INPP4A: variants seen among roughly 807,000 people sequenced by gnomAD.
INPP4A encodes the protein inositol polyphosphate-4-phosphatase, type I, 107kD.
A neutral mutation model predicts 119.8 loss-of-function variants in INPP4A; 33 were observed. The ratio of observed to expected loss-of-function variants is 0.28; its 90% CI spans 0.21 to 0.37. The LOEUF is 0.37. INPP4A is among the 10% of genes least tolerant of loss of function. The probability of loss-of-function intolerance (pLI) is 1.00; values close to 1 mark genes in which losing one functional copy is unlikely to be tolerated. For synonymous variants in INPP4A, 496 were observed against 500.7 expected, an observed-to-expected ratio of 0.99 and a Z score of 0.12; for missense variants, 956 against 1,289.9, an observed-to-expected ratio of 0.74 and a Z score of 3.97.
intron 7 of INPP4A, among the ~76,000 whole-genome samples, chr2:98,536,482 CATT>C (rs1326143815): frequency 7.2e-5 from 11 of 152,122 alleles, no homozygotes; most frequent in Non-Finnish European, 1.3e-4. Context: ...TGTGTTTCTC[CATT>C]ATTTAGCCCC....
chr2:98,579,054 T>C (rs987094335), intron 24 of INPP4A, among the ~76,000 whole-genome samples: 6 of 152,166 alleles, frequency 3.9e-5, no homozygotes, highest in Admixed American at 3.9e-4. Context: ...TCACTTTTTT[T>C]TTCTTTTTTT....
At chr2:98,472,562 T>C (rs1676270888) in intron 1 of INPP4A, among the ~76,000 whole-genome samples, 1 of 152,236 alleles carries the variant, frequency 6.6e-6, no homozygotes, top group Non-Finnish European at 1.5e-5. Flanking sequence ...GCAGCTGTTC[T>C]TCATGTGTCC....
chr2:98,581,232 G>C (rs1297984689), intron 24 of INPP4A, among the ~76,000 whole-genome samples: 1 of 152,224 alleles, frequency 6.6e-6, no homozygotes, highest in Non-Finnish European at 1.5e-5. Context: ...GCATGGAGTT[G>C]TGCTTGGCCA....
At position 98,520,852 on chromosome 2, in the gene INPP4A, G is replaced by A. The variant is rs1291462083; in HGVS notation, c.151+121G>A. On this transcript the variant is annotated intron_variant, in intron 4 of 24. Transcript: ENST00000409851. ...GCTTGCTGCTGCTGCCACCACTGCT[G>A]CAGCGTTTCTGAGAAGACGGAGCCC... 7 of 609,042 alleles carry A rather than the reference G, an allele frequency of 1.1e-5. No individual in the cohort carries two copies. In the Admixed American group the frequency reaches 1.3e-4, roughly 11 times the overall value. 37.7% of individuals were successfully genotyped at this position (609,042 alleles called of 1,614,324 possible). A position where few individuals can be genotyped will look rare whatever the true frequency, so the allele number is the denominator to read the frequency against.
chr2:98,581,850 C>A, intron 24 of INPP4A: 1 of 1,472,180 alleles, frequency 6.8e-7, no homozygotes, highest in South Asian at 1.4e-5. Context: ...AGGAATGTGT[C>A]AAACCGTGGT....
At chr2:98,556,052 C>G (rs1694437157) in intron 16 of INPP4A, 8 of 501,194 alleles carry the variant, frequency 1.6e-5, no homozygotes, top group Non-Finnish European at 2.8e-5. Flanking sequence ...TCTCAGGGTC[C>G]TCTTGAGATA....
chr2:98,501,055 C>G (rs898039758), intron 1 of INPP4A, among the ~76,000 whole-genome samples: 1 of 152,172 alleles, frequency 6.6e-6, no homozygotes, highest in Non-Finnish European at 1.5e-5. Flanking sequence ...GGCCTATAAT[C>G]CCAGCACTGG....
At chr2:98,467,217 G>C (rs189678374) in intron 1 of INPP4A, among the ~76,000 whole-genome samples, 3 of 152,126 alleles carry the variant, frequency 2.0e-5, no homozygotes, top group South Asian at 2.1e-4. Context: ...CCCTCAAAGC[G>C]GGGGGTGGTT....
In INPP4A at chr2:98,539,687, TG is replaced by T. The variant is rs759725132; in HGVS notation, c.818+14del. 2.5e-6 allele frequency: 4 copies of T among 1,601,116 alleles called. No individual in the cohort carries two copies. In the Admixed American group the frequency reaches 6.8e-5, roughly 27 times the overall value. ...GAAGATGCAGCCAGGTGAGGCCACA[TG>T]GAAGGACTGACTGTCCATCATACCC... On this transcript the variant is annotated intron_variant, in intron 10 of 24. Coordinates refer to ENST00000409851, the MANE Select transcript of INPP4A (RefSeq NM_001134225.2).
rs1398224595 is a variant in INPP4A at position 98,448,049 on chromosome 2, A to G, written c.-166+2964A>G. 2.0e-3 allele frequency among the ~76,000 whole-genome samples: 293 copies of G among 145,834 alleles called. 1 individual carries two copies. The highest frequency in any genetic ancestry group is 6.9e-3 in the African/African-American group (271 of 39,112). On this transcript the variant is annotated intron_variant, in intron 1 of 24. Transcript: ENST00000409851. ...AGGACAGAGTGAGACTCTGTCTCAA[A>G]AAAAAAAAAAAAAAAAAAAATCATG...
rs140821624 is a variant in INPP4A at position 98,588,539 on chromosome 2, G to A, written c.*931G>A. ...AGGATTTCCAATTTATCTTTGAAAA[G>A]ACAGTACAATCATGTTTGAATGTCT... On this transcript the variant is annotated 3_prime_UTR_variant, in exon 25 of 25. Coordinates refer to ENST00000409851, the MANE Select transcript of INPP4A (RefSeq NM_001134225.2). The A allele has an allele frequency of 2.8e-4, 62 of 219,760 alleles. No individual in the cohort carries two copies. The South Asian group carries it at 4.1e-3, about 14-fold the overall frequency. The allele number at this position is 219,760 out of a possible 1,614,324, so 13.6% of individuals were successfully genotyped here. A position where few individuals can be genotyped will look rare whatever the true frequency, so the allele number is the denominator to read the frequency against.
chr2:98,488,935 CTGTGTGTGTGTGTGTGTGTG>C (rs55758146), intron 1 of INPP4A, among the ~76,000 whole-genome samples: 16 of 126,028 alleles, frequency 1.3e-4, no homozygotes, highest in East Asian at 4.8e-4. Flanking sequence ...AGTACATGCA[CTGTGTGTGTGTGTGTGTGTG>C]TGTGTGTGTG....
intron 1 of INPP4A, among the ~76,000 whole-genome samples, chr2:98,488,897 A>G (rs1680100731): frequency 6.6e-6 from 1 of 150,856 alleles, no homozygotes. Context: ...TCACAATGCA[A>G]CCTAAGGACT....
chr2:98,487,571 A>G (rs896239321), intron 1 of INPP4A, among the ~76,000 whole-genome samples: 20 of 152,210 alleles, frequency 1.3e-4, no homozygotes, highest in African/African-American at 4.3e-4. Flanking sequence ...TATGGACTCA[A>G]TGGTTTTTTT....
intron 13 of INPP4A, among the ~76,000 whole-genome samples, chr2:98,547,195 A>G (rs111542489): frequency 0.016 from 2,387 of 152,324 alleles, 66 homozygotes; most frequent in African/African-American, 0.055. Context: ...AGCATTGCAC[A>G]TGGTGAAATG....
In INPP4A at chr2:98,481,422, C is replaced by G. The variant is rs548289390; in HGVS notation, c.-166+36337C>G. 2.1e-4 allele frequency among the ~76,000 whole-genome samples: 32 copies of G among 152,326 alleles called. No individual in the cohort carries two copies. In the South Asian group the frequency reaches 6.4e-3, roughly 31 times the overall value. ...CCACTCTTGGCAGCCAGAACCCTCGCTCCTCCAGTTTTATTCTGGTTGCCT... is the reference window on the plus strand; with the variant it reads ...CCACTCTTGGCAGCCAGAACCCTCGGTCCTCCAGTTTTATTCTGGTTGCCT... On this transcript the variant is annotated intron_variant, in intron 1 of 24. Coordinates refer to ENST00000409851, the MANE Select transcript of INPP4A (RefSeq NM_001134225.2).
In INPP4A at chr2:98,554,191, T is replaced by A; in HGVS notation, c.1348-80T>A. On this transcript the variant is annotated intron_variant, in intron 14 of 24. Transcript: ENST00000409851. This position sits in a 1 kb window ranked among gnomAD's most constrained non-coding sequence, Gnocchi z 4.7. ...GGTGCAGTGCTGGGCTTTAAGCCCA[T>A]TCTCCATTTCTGAGATAAGGCAGGG... is the stretch of plus-strand genomic sequence containing the variant. 5 of 1,099,742 alleles carry A rather than the reference T, an allele frequency of 4.5e-6. No individual in the cohort carries two copies. Among genetic ancestry groups the A allele is most frequent in the Non-Finnish European group, 6.6e-6 (5 of 760,444 alleles). The allele number at this position is 1,099,742 out of a possible 1,614,324, so 68.1% of individuals were successfully genotyped here. A position where few individuals can be genotyped will look rare whatever the true frequency, so the allele number is the denominator to read the frequency against.
At chr2:98,459,460 G>A (rs1696743444) in intron 1 of INPP4A, among the ~76,000 whole-genome samples, 1 of 152,218 alleles carries the variant, frequency 6.6e-6, no homozygotes, top group Admixed American at 6.5e-5. Flanking sequence ...GTGTTTGGGA[G>A]GCCCTCTTAC....
intron 4 of INPP4A, among the ~76,000 whole-genome samples, chr2:98,522,308 GAAAGA>G (rs1687372249): frequency 1.4e-5 from 2 of 146,508 alleles, no homozygotes; most frequent in Admixed American, 6.8e-5. Context: ...AAAAAAGAAA[GAAAGA>G]AATTATAATT....
Sources: allele counts gnomAD v4.1 joint callset (sites outside exome capture counted in the v4.1 genomes callset), GRCh38; gene constraint gnomAD v4.1.1; non-coding constraint Gnocchi (gnomAD v3.1); transcripts MANE v1.5; gene names NCBI Gene and HGNC (gene_info 2026-07-23, HGNC 2026-07-21).